ENTREP2: variants seen among roughly 807,000 people sequenced by gnomAD.
ENTREP2 encodes the protein endosomal transmembrane epsin interactor 2, also known as protein ENTREP2.
the ENTREP2 span, among the ~76,000 whole-genome samples, chr15:29,145,023 T>G: frequency 2.0e-5 from 3 of 152,144 alleles, no homozygotes; most frequent in Non-Finnish European, 4.4e-5. Context: ...GCCACTGCAC[T>G]CCAGTTTGGG....
the ENTREP2 span, among the ~76,000 whole-genome samples, chr15:29,648,094 C>T: frequency 6.6e-6 from 1 of 152,174 alleles, no homozygotes; most frequent in South Asian, 2.1e-4. Context: ...ACCTGAACAT[C>T]ATCATCATTT....
At chr15:29,429,001 A>G in the ENTREP2 span, among the ~76,000 whole-genome samples, 149,072 of 152,286 alleles carry the variant, frequency 0.98, 73,007 homozygotes, top group South Asian at 0.99. Flanking sequence ...ACCCAGATCT[A>G]TTTTTACATT....
the ENTREP2 span, among the ~76,000 whole-genome samples, chr15:29,489,581 C>G: frequency 6.6e-6 from 1 of 152,286 alleles, no homozygotes; most frequent in South Asian, 2.1e-4. Context: ...AGGTGCATCC[C>G]AATGCCAATT....
At chr15:29,614,485 G>A in the ENTREP2 span, among the ~76,000 whole-genome samples, 1 of 152,148 alleles carries the variant, frequency 6.6e-6, no homozygotes, top group African/African-American at 2.4e-5. Flanking sequence ...TACATAGTAA[G>A]TGCTCAATAA....
the ENTREP2 span, among the ~76,000 whole-genome samples, chr15:29,366,600 C>T: frequency 6.6e-6 from 1 of 152,136 alleles, no homozygotes; most frequent in African/African-American, 2.4e-5. Context: ...TTCCCACACC[C>T]CAGCGCCAGG....
chr15:29,468,375 C>T, the ENTREP2 span, among the ~76,000 whole-genome samples: 2 of 152,004 alleles, frequency 1.3e-5, no homozygotes, highest in Admixed American at 6.6e-5. Context: ...CTTTGGGAGG[C>T]CAGGGTGGGC....
At chr15:29,525,321 G>A in the ENTREP2 span, among the ~76,000 whole-genome samples, 6 of 152,152 alleles carry the variant, frequency 3.9e-5, no homozygotes, top group East Asian at 1.9e-4. Flanking sequence ...GCAGCATCAC[G>A]CATAACAACC....
the ENTREP2 span, among the ~76,000 whole-genome samples, chr15:29,342,335 C>G: frequency 6.6e-6 from 1 of 152,322 alleles, no homozygotes; most frequent in South Asian, 2.1e-4. Flanking sequence ...AAGCTTTCAG[C>G]TCTATAGGAA....
At chr15:29,132,963 G>A in the ENTREP2 span, among the ~76,000 whole-genome samples, 1 of 152,158 alleles carries the variant, frequency 6.6e-6, no homozygotes, top group Non-Finnish European at 1.5e-5. Context: ...CGGTGAAGGG[G>A]ACAGAGCTGC....
chr15:29,234,307 T>C, the ENTREP2 span: 8 of 1,610,502 alleles, frequency 5.0e-6, no homozygotes, highest in East Asian at 2.2e-5. Context: ...CAAAAAGATA[T>C]ATGTAATCTG....
At chr15:29,396,429 A>G in the ENTREP2 span, among the ~76,000 whole-genome samples, 1 of 152,176 alleles carries the variant, frequency 6.6e-6, no homozygotes, top group East Asian at 1.9e-4. Context: ...CATGTTGCCA[A>G]AAATCCTTTG....
the ENTREP2 span, among the ~76,000 whole-genome samples, chr15:29,388,595 A>T: frequency 1.3e-5 from 2 of 152,178 alleles, no homozygotes; most frequent in African/African-American, 4.8e-5. Context: ...ATACCATTTG[A>T]CCCAGACATC....
the ENTREP2 span, among the ~76,000 whole-genome samples, chr15:29,301,313 T>C: frequency 6.6e-6 from 1 of 152,234 alleles, no homozygotes; most frequent in Non-Finnish European, 1.5e-5. Flanking sequence ...CTGAGAGGTC[T>C]TCTTTTGTCA....
the ENTREP2 span, among the ~76,000 whole-genome samples, chr15:29,130,237 A>G: frequency 6.6e-6 from 1 of 152,202 alleles, no homozygotes. Flanking sequence ...ATGCTTTCGC[A>G]TAATACGGTC....
chr15:29,439,225 G>A, the ENTREP2 span, among the ~76,000 whole-genome samples: 1 of 149,484 alleles, frequency 6.7e-6, no homozygotes, highest in African/African-American at 2.5e-5. Flanking sequence ...GTAGGGGCAG[G>A]GAAAGCATCA....
the ENTREP2 span, among the ~76,000 whole-genome samples, chr15:29,258,240 A>C: frequency 6.6e-6 from 1 of 151,398 alleles, no homozygotes; most frequent in Non-Finnish European, 1.5e-5. Context: ...AAAAGAAAGA[A>C]AGAAAAAAGA....
the ENTREP2 span, among the ~76,000 whole-genome samples, chr15:29,387,974 T>A: frequency 6.6e-6 from 1 of 152,140 alleles, no homozygotes; most frequent in Non-Finnish European, 1.5e-5. Flanking sequence ...TAATTCAAGA[T>A]GGATTAAAGA....
chr15:29,131,994 C>T, the ENTREP2 span, among the ~76,000 whole-genome samples: 2 of 152,110 alleles, frequency 1.3e-5, no homozygotes, highest in Non-Finnish European at 2.9e-5. Flanking sequence ...CGAGTGCTCA[C>T]GGAGCCCACC....
At chr15:29,382,261 C>CAA in the ENTREP2 span, among the ~76,000 whole-genome samples, 1,068 of 134,894 alleles carry the variant, frequency 7.9e-3, 15 homozygotes, top group African/African-American at 0.025. Flanking sequence ...GACTCCATCT[C>CAA]AAAAAAAAAA....
Sources: allele counts gnomAD v4.1 joint callset (sites outside exome capture counted in the v4.1 genomes callset), GRCh38; gene constraint gnomAD v4.1.1; transcripts MANE v1.5; gene names NCBI Gene and HGNC (gene_info 2026-07-23, HGNC 2026-07-21).